PCDH9: variants seen among roughly 807,000 people sequenced by gnomAD.
PCDH9 encodes the protein protocadherin 9, also known as protocadherin-9.
PCDH9 carries 24 observed loss-of-function variants against 70.6 expected under a neutral mutation model. The ratio of observed to expected loss-of-function variants is 0.34; its 90% CI spans 0.25 to 0.48. PCDH9 has a LOEUF of 0.48. PCDH9 is among the 20% of genes least tolerant of loss of function. PCDH9 has a pLI of 0.99. For missense variants in PCDH9, 1,281 were observed against 1,503.6 expected (o/e 0.85, Z 2.45); for synonymous variants, 562 against 558.5 (o/e 1.01, Z -0.09).
intron 2 of PCDH9, chr13:67,212,038 A>C (rs2138084976): frequency 6.6e-6 from 1 of 152,272 alleles, no homozygotes; most frequent in East Asian, 1.9e-4. Flanking sequence ...TTTTTAAAGT[A>C]ATTTTTAATA....
chr13:67,006,051 C>A (rs1396367569), intron 2 of PCDH9, among the ~76,000 whole-genome samples: 1 of 152,120 alleles, frequency 6.6e-6, no homozygotes, highest in African/African-American at 2.4e-5. Context: ...ACGGTGAAAC[C>A]CCGTCTCCAT....
At chr13:66,390,856 T>G (rs1343415200) in intron 4 of PCDH9, among the ~76,000 whole-genome samples, 1 of 152,166 alleles carries the variant, frequency 6.6e-6, no homozygotes, top group Non-Finnish European at 1.5e-5. Flanking sequence ...CATGGAGAAT[T>G]GGGACTAGCT....
At chr13:66,861,623 T>C (rs1183337614) in intron 3 of PCDH9, among the ~76,000 whole-genome samples, 3 of 152,170 alleles carry the variant, frequency 2.0e-5, no homozygotes, top group Admixed American at 2.0e-4. Context: ...ATAAAGTCTG[T>C]CCACTTAATC....
chr13:66,401,371 G>T (rs1957184262), intron 4 of PCDH9, among the ~76,000 whole-genome samples: 1 of 151,412 alleles, frequency 6.6e-6, no homozygotes, highest in Admixed American at 6.6e-5. Context: ...CCCCCCCTTT[G>T]CTCATTCTTC....
intron 2 of PCDH9, among the ~76,000 whole-genome samples, chr13:67,119,201 ATTG>A: frequency 6.6e-6 from 1 of 152,170 alleles, no homozygotes; most frequent in African/African-American, 2.4e-5. Context: ...TCTTGATTTT[ATTG>A]TTGTTGAAGA....
intron 4 of PCDH9, among the ~76,000 whole-genome samples, chr13:66,344,410 G>A (rs576149881): frequency 6.6e-6 from 1 of 152,278 alleles, no homozygotes; most frequent in Admixed American, 6.5e-5. Context: ...ACAGGCATAA[G>A]CTACCATGCC....
chr13:66,462,126 G>A (rs1958435360), intron 4 of PCDH9, among the ~76,000 whole-genome samples: 1 of 151,796 alleles, frequency 6.6e-6, no homozygotes, highest in Non-Finnish European at 1.5e-5. Context: ...GAAATTGGCA[G>A]TGTTACAAAC....
At chr13:67,110,235 G>A (rs1397793749) in intron 2 of PCDH9, among the ~76,000 whole-genome samples, 1 of 151,722 alleles carries the variant, frequency 6.6e-6, no homozygotes, top group African/African-American at 2.4e-5. Context: ...AAAAGAGAGA[G>A]AGATACGGCC....
chr13:66,358,705 A>T (rs952381000), intron 4 of PCDH9, among the ~76,000 whole-genome samples: 4 of 151,952 alleles, frequency 2.6e-5, no homozygotes, highest in Non-Finnish European at 4.4e-5. Context: ...ACATAAAATA[A>T]GTGTATTGTT....
chr13:67,046,748 AT>A (rs1344560294), intron 2 of PCDH9, among the ~76,000 whole-genome samples: 8 of 152,050 alleles, frequency 5.3e-5, no homozygotes, highest in Non-Finnish European at 1.2e-4. Flanking sequence ...TTTAACAACA[AT>A]AGAAAAAACA....
intron 4 of PCDH9, among the ~76,000 whole-genome samples, chr13:66,401,043 G>A (rs1009121463): frequency 3.3e-5 from 5 of 152,188 alleles, no homozygotes; most frequent in African/African-American, 1.2e-4. Flanking sequence ...AATCGTAAGT[G>A]TGTGAAAGTG....
chr13:66,443,334 T>A (rs1366885380), intron 4 of PCDH9, among the ~76,000 whole-genome samples: 1 of 152,182 alleles, frequency 6.6e-6, no homozygotes, highest in African/African-American at 2.4e-5. Context: ...TGAATTTTAA[T>A]GGTCAAAAAG....
At chr13:67,115,490 G>C (rs1391430944) in intron 2 of PCDH9, among the ~76,000 whole-genome samples, 1 of 152,168 alleles carries the variant, frequency 6.6e-6, no homozygotes, top group Non-Finnish European at 1.5e-5. Flanking sequence ...TTCTTTTGCT[G>C]CCGCTTTTCT....
intron 4 of PCDH9, among the ~76,000 whole-genome samples, chr13:66,482,683 C>T (rs1958863380): frequency 6.6e-6 from 1 of 152,170 alleles, no homozygotes; most frequent in Non-Finnish European, 1.5e-5. Context: ...AGTAGCTCTT[C>T]CATCAGCATC....
intron 4 of PCDH9, among the ~76,000 whole-genome samples, chr13:66,528,602 C>G (rs1180781472): frequency 1.3e-5 from 2 of 152,106 alleles, no homozygotes; most frequent in Non-Finnish European, 2.9e-5. Flanking sequence ...TGTGGAATAT[C>G]ATTTATTTAA....
intron 4 of PCDH9, among the ~76,000 whole-genome samples, chr13:66,420,975 T>C (rs1458375064): frequency 6.6e-6 from 1 of 151,910 alleles, no homozygotes; most frequent in Non-Finnish European, 1.5e-5. Flanking sequence ...ATAACCAGTA[T>C]AGACAAGAAC....
chr13:66,419,359 C>T (rs1318591307), intron 4 of PCDH9, among the ~76,000 whole-genome samples: 1 of 151,924 alleles, frequency 6.6e-6, no homozygotes, highest in African/African-American at 2.4e-5. Flanking sequence ...GGAGGATTCC[C>T]ACGCAAGATG....
At chr13:67,013,034 G>A (rs2084483631) in intron 2 of PCDH9, among the ~76,000 whole-genome samples, 1 of 151,794 alleles carries the variant, frequency 6.6e-6, no homozygotes, top group African/African-American at 2.4e-5. Flanking sequence ...CATAAAAATT[G>A]TGGCATAACA....
intron 4 of PCDH9, among the ~76,000 whole-genome samples, chr13:66,422,733 A>G (rs147899587): frequency 0.013 from 1,963 of 152,234 alleles, 32 homozygotes; most frequent in African/African-American, 0.044. Flanking sequence ...CCCTAACATC[A>G]CAACTAAAAG....
Sources: allele counts gnomAD v4.1 joint callset (sites outside exome capture counted in the v4.1 genomes callset), GRCh38; gene constraint gnomAD v4.1.1; transcripts MANE v1.5; gene names NCBI Gene and HGNC (gene_info 2026-07-23, HGNC 2026-07-21).